Variants in INO80 observed in about 807,000 individuals in gnomAD.
The protein encoded by INO80 is INO80 complex ATPase subunit, also known as chromatin-remodeling ATPase INO80.
In INO80, 20 loss-of-function variants were observed where a neutral mutation model predicts 203.4. The ratio of observed to expected loss-of-function variants is 0.10; its 90% CI spans 0.07 to 0.14. The LOEUF is 0.14. INO80 is among the 10% of genes least tolerant of loss of function. INO80 has a pLI of 1.00. For missense variants in INO80, 1,419 were observed against 1,914.4 expected (o/e 0.74, Z 4.83); for synonymous variants, 726 against 685.2 (o/e 1.06, Z -0.93).
chr15:41,095,907 C>T lies in INO80; in HGVS notation c.165G>A (p.Leu55=), dbSNP rs778816747. ...GGGGCAATAATGGATTACTGTCATC[C>T]AGTCCATCTTCACTGTCATCACTAT... The part of the protein sequence containing the change: ...NISSDDSEDG[L]DDSNPLLPQS... Residue 55 remains leucine (L), a synonymous_variant, in exon 3 of 36, where the codon CTG becomes CTA. Transcript: ENST00000648947. 4.8e-5 allele frequency: 78 copies of T among 1,613,826 alleles called. No homozygotes were observed. In the East Asian group the frequency reaches 1.7e-3, roughly 35 times the overall value.
At chr15:41,000,579 C>T (rs1002011215) in intron 28 of INO80, among the ~76,000 whole-genome samples, 8 of 151,590 alleles carry the variant, frequency 5.3e-5, no homozygotes, top group African/African-American at 1.9e-4. Context: ...CCTGTAGTCT[C>T]AGCTACTTGG....
intron 9 of INO80, among the ~76,000 whole-genome samples, chr15:41,075,649 T>C (rs1204729318): frequency 6.6e-6 from 1 of 152,030 alleles, no homozygotes; most frequent in South Asian, 2.1e-4. Context: ...AGAGACGCGG[T>C]TTCACTGCGT....
chr15:40,998,925 G>A (rs1466503649), intron 28 of INO80, among the ~76,000 whole-genome samples: 1 of 151,778 alleles, frequency 6.6e-6, no homozygotes, highest in Non-Finnish European at 1.5e-5. Context: ...AAAGTGCTGG[G>A]ATTCCAGGCG....
In INO80 at chr15:40,985,318, C is replaced by T. The variant is rs761320702; in HGVS notation, c.3921+20G>A. 2 of 1,594,028 alleles carry T rather than the reference C, an allele frequency of 1.3e-6. No individual in the cohort carries two copies. Among genetic ancestry groups the T allele is most frequent in the East Asian group, 2.2e-5 (1 of 44,760 alleles). On this transcript the variant is annotated intron_variant, in intron 32 of 35. Transcript: ENST00000648947. The stretch of plus-strand genomic sequence containing the variant: ...CCCAGGCCCCATTAGCCCCTATCCA[C>T]CATTCCAGGCTGGAAATACCTTCTC...
In INO80 at chr15:40,982,891, T is replaced by G. The variant is rs377364363; in HGVS notation, c.4424A>C (p.Tyr1475Ser). The G allele has an allele frequency of 2.5e-6, 4 of 1,613,738 alleles. No homozygotes were observed. Among genetic ancestry groups the G allele is most frequent in the Non-Finnish European group, 3.4e-6 (4 of 1,180,012 alleles). Reference protein sequence around the residue: ...AGAAAASAAAYAAYGYNVSKG... With the variant: ...AGAAAASAAASAAYGYNVSKG... ...AGACACGTTGTACCCGTATGCGGCA[T>G]AGGCAGCTGCAGAGGCCGCTGCAGC... The change falls in exon 35 of 36, where the codon TAT becomes TCT. Residue 1475 changes from tyrosine to serine, a missense_variant. By Grantham distance (144) the Tyr-to-Ser change is moderately radical. Transcript: ENST00000648947.
chr15:41,032,591 C>CT lies in INO80; in HGVS notation c.2908-4856dup, dbSNP rs1382807357. Among the ~76,000 whole-genome samples, 9 of 152,254 alleles carry CT rather than the reference C, an allele frequency of 5.9e-5. No homozygotes were observed. The South Asian group carries it at 6.2e-4, about 11-fold the overall frequency. ...TCAATCAATAGCCCGTCAAAAAACT[C>CT]TAAGGATTTAATACAGAATAGTGTT... On this transcript the variant is annotated intron_variant, in intron 24 of 35. Transcript: ENST00000648947.
chr15:40,996,328 T>A (rs1034230788), intron 29 of INO80, among the ~76,000 whole-genome samples: 1 of 152,170 alleles, frequency 6.6e-6, no homozygotes, highest in African/African-American at 2.4e-5. Context: ...TCAAAAAGAA[T>A]CCTCTTTTCT....
At chr15:41,095,201 C>G (rs565946129) in intron 4 of INO80, among the ~76,000 whole-genome samples, 1 of 152,190 alleles carries the variant, frequency 6.6e-6, no homozygotes, top group East Asian at 1.9e-4. Context: ...ATTAGCTGGG[C>G]GTGGTGGCGC....
intron 9 of INO80, among the ~76,000 whole-genome samples, chr15:41,076,224 G>C (rs2045399872): frequency 6.6e-6 from 1 of 152,090 alleles, no homozygotes; most frequent in South Asian, 2.1e-4. Flanking sequence ...AGCCAGGCAT[G>C]GTGGCAGGCG....
chr15:41,054,079 T>TA, intron 18 of INO80, 65 bp from the exon 19 acceptor site: 3 of 1,272,012 alleles, frequency 2.4e-6, no homozygotes, highest in Non-Finnish European at 3.4e-6. Context: ...CAGAAACAAA[T>TA]ACCACATTCA....
At chr15:41,004,387 T>A (rs1281143341) in intron 28 of INO80, 2 of 152,230 alleles carry the variant, frequency 1.3e-5, no homozygotes, top group African/African-American at 4.8e-5. Context: ...AATTAAAAAT[T>A]GTAATCTAAA....
At chr15:40,982,127 GGTCCAT>G (rs1429975206) in intron 35 of INO80, among the ~76,000 whole-genome samples, 3 of 152,150 alleles carry the variant, frequency 2.0e-5, no homozygotes, top group Non-Finnish European at 4.4e-5. Context: ...TCAGGAGCAA[GGTCCAT>G]GTGGAATACT....
intron 5 of INO80, 133 bp downstream of exon 5, chr15:41,091,894 C>G (rs112188222): frequency 1.6e-6 from 1 of 612,508 alleles, no homozygotes. Flanking sequence ...CCTCATGATC[C>G]GCCCGCCTCG....
At chr15:41,059,709 CA>C (rs2045068087) in intron 15 of INO80, among the ~76,000 whole-genome samples, 157 bp downstream of exon 15, 1 of 151,776 alleles carries the variant, frequency 6.6e-6, no homozygotes, top group Admixed American at 6.6e-5. Flanking sequence ...TTGCCTACAA[CA>C]GGAAAAGTAT....
At chr15:40,983,654 G>C in intron 34 of INO80, 108 bp downstream of exon 34, 4 of 941,598 alleles carry the variant, frequency 4.2e-6, no homozygotes, top group Non-Finnish European at 6.3e-6. Context: ...CAAAGCTATT[G>C]AAAGAATAAA....
At chr15:41,092,972 G>A (rs1478599476) in intron 4 of INO80, among the ~76,000 whole-genome samples, 5 of 152,092 alleles carry the variant, frequency 3.3e-5, no homozygotes, top group South Asian at 2.1e-4. Context: ...GAGTTCAAGG[G>A]TGCAGTGAGC....
intron 25 of INO80, among the ~76,000 whole-genome samples, chr15:41,021,863 A>C (rs540373040): frequency 1.3e-5 from 2 of 152,356 alleles, no homozygotes; most frequent in Admixed American, 1.3e-4. Context: ...GCTCCTGCCA[A>C]TTCAGAAACA....
chr15:41,090,407 CTT>C (rs765673819), intron 5 of INO80, among the ~76,000 whole-genome samples: 1 of 151,906 alleles, frequency 6.6e-6, no homozygotes, highest in Non-Finnish European at 1.5e-5. Flanking sequence ...GAAAACCCGT[CTT>C]TACTAAAAAC....
intron 29 of INO80, among the ~76,000 whole-genome samples, chr15:40,992,182 G>A (rs911015191): frequency 2.6e-5 from 4 of 152,226 alleles, no homozygotes; most frequent in African/African-American, 9.6e-5. Flanking sequence ...CTCTGCAGAG[G>A]GCTAAAAGCT....
Sources: gnomAD v4.1 joint callset for allele counts (sites outside exome capture counted in the v4.1 genomes callset) on GRCh38, gnomAD v4.1.1 for gene constraint, MANE v1.5 for transcripts, NCBI Gene and HGNC (gene_info 2026-07-23, HGNC 2026-07-21) for gene names.